The following CREM variants were observed in gnomAD, a reference collection of about 807,000 sequenced individuals.
CREM encodes cAMP-responsive element modulator.
CREM carries 13 observed loss-of-function variants against 37.3 expected under a neutral mutation model. That is an observed-to-expected ratio of 0.35 (90% confidence interval 0.23 to 0.55). The LOEUF is 0.55. Among genes scored for constraint, CREM ranks in the 20% least tolerant of loss-of-function variants. CREM has a pLI of 0.88. For synonymous variants in CREM, 124 were observed against 120.2 expected (o/e 1.03, Z -0.21); for missense variants, 296 against 362.3 (o/e 0.82, Z 1.49).
At chr10:35,203,691 CAAAAT>C (rs2095443004) in intron 6 of CREM, among the ~76,000 whole-genome samples, 1 of 150,626 alleles carries the variant, frequency 6.6e-6, no homozygotes, top group African/African-American at 2.4e-5. Flanking sequence ...GACTCTGTCT[CAAAAT>C]AAAAATAAAA....
At chr10:35,152,986 T>C (rs943263252) in intron 3 of CREM, among the ~76,000 whole-genome samples, 4 of 152,204 alleles carry the variant, frequency 2.6e-5, no homozygotes, top group Admixed American at 6.5e-5. Flanking sequence ...ATGCCTATAA[T>C]CCCAGCACTT....
chr10:35,195,072 A>G, intron 6 of CREM: 2 of 1,007,814 alleles, frequency 2.0e-6, no homozygotes, highest in East Asian at 2.6e-5. Context: ...GTGATAGGCT[A>G]GTGATGTCAT....
intron 6 of CREM, among the ~76,000 whole-genome samples, chr10:35,194,754 TTA>T (rs1162546475): frequency 4.1e-5 from 6 of 145,110 alleles, no homozygotes; most frequent in Non-Finnish European, 7.7e-5. Context: ...TTTTTTTTTT[TTA>T]AATCTCCAAG....
chr10:35,178,841 A>G (rs902120221), intron 3 of CREM, 48 bp from the exon 4 acceptor site: 3 of 1,488,402 alleles, frequency 2.0e-6, no homozygotes, highest in Non-Finnish European at 2.8e-6. Context: ...TGAATGAGGG[A>G]AAAGAGCATA....
intron 2 of CREM, among the ~76,000 whole-genome samples, chr10:35,143,492 A>T (rs754317534): frequency 2.1e-4 from 32 of 152,182 alleles, no homozygotes; most frequent in Admixed American, 3.9e-4. Flanking sequence ...CAATTTGCAC[A>T]TTGGCAATGT....
chr10:35,130,357 TCTTAAGAATAAATG>T (rs2089124777), intron 1 of CREM, among the ~76,000 whole-genome samples: 1 of 152,204 alleles, frequency 6.6e-6, no homozygotes, highest in Non-Finnish European at 1.5e-5. Context: ...ACTGTGCTGT[TCTTAAGAATAAATG>T]CTTTTACTCA....
At position 35,178,950 on chromosome 10, in the gene CREM, A is replaced by G. The variant is rs770743308; in HGVS notation, c.230A>G (p.Lys77Arg). Residue 77 changes from lysine to arginine, a missense_variant, in exon 4 of 8, where the codon AAA becomes AGA. By Grantham distance (26) the Lys-to-Arg change is conservative. Coordinates refer to ENST00000685392, the MANE Select transcript of CREM (RefSeq NM_183011.2). The stretch of plus-strand genomic sequence containing the variant: ...TCAGAAGGTGTAATTGATTCTCATA[A>G]ACGTAGAGAAATCCTTTCACGAAGA... ...AESEGVIDSHKRREILSRRPS... is the reference protein window; with the variant it reads ...AESEGVIDSHRRREILSRRPS... 1.4e-5 allele frequency: 23 copies of G among 1,613,024 alleles called. No individual in the cohort carries two copies. The East Asian group carries it at 5.1e-4, about 36-fold the overall frequency.
chr10:35,174,537 A>G (rs2093964107), intron 3 of CREM, among the ~76,000 whole-genome samples: 1 of 152,204 alleles, frequency 6.6e-6, no homozygotes, highest in African/African-American at 2.4e-5. Flanking sequence ...CTTTTCAGAT[A>G]TTAATATAAG....
intron 6 of CREM, chr10:35,194,993 A>G (rs1255733225): frequency 8.9e-6 from 4 of 447,580 alleles, no homozygotes; most frequent in Non-Finnish European, 1.6e-5. Flanking sequence ...AAGATGGTTT[A>G]TTACAGGAAG....
At chr10:35,145,489 A>G (rs2091969402) in intron 2 of CREM, among the ~76,000 whole-genome samples, 1 of 152,234 alleles carries the variant, frequency 6.6e-6, no homozygotes, top group Non-Finnish European at 1.5e-5. Context: ...ACATGATTCA[A>G]GAAATTACGG....
At chr10:35,211,019 C>T (rs1049858414) in intron 7 of CREM, among the ~76,000 whole-genome samples, 2 of 152,130 alleles carry the variant, frequency 1.3e-5, no homozygotes, top group African/African-American at 4.8e-5. Context: ...GAATGTGTGC[C>T]CTAAGAAAAC....
At chr10:35,206,275 A>AATATGTATATATATACATGCATATAT (rs1219860209) in intron 6 of CREM, among the ~76,000 whole-genome samples, 6 of 151,764 alleles carry the variant, frequency 4.0e-5, no homozygotes, top group Non-Finnish European at 7.4e-5. Flanking sequence ...TGTGTGTATA[A>AATATGTATATATATACATGCATATAT]ATATGTATAT....
At chr10:35,166,286 G>C (rs1325097795) in intron 3 of CREM, among the ~76,000 whole-genome samples, 1 of 152,098 alleles carries the variant, frequency 6.6e-6, no homozygotes, top group African/African-American at 2.4e-5. Flanking sequence ...AGCTAGGCCA[G>C]ACACAGTGGC....
intron 3 of CREM, among the ~76,000 whole-genome samples, chr10:35,176,469 A>G (rs55724039): frequency 0.31 from 44,444 of 145,712 alleles, 7,048 homozygotes; most frequent in South Asian, 0.35. Flanking sequence ...GGGCAGTGGC[A>G]TGATCTCGGG....
chr10:35,167,855 G>C (rs2093628770), intron 3 of CREM: 1 of 1,494,402 alleles, frequency 6.7e-7, no homozygotes, highest in African/African-American at 1.4e-5. Context: ...CTTGTGAAAA[G>C]AGGGGTAAAA....
At chr10:35,179,495 A>C in intron 5 of CREM, 1 of 475,774 alleles carries the variant, frequency 2.1e-6, no homozygotes, top group Non-Finnish European at 3.4e-6. Flanking sequence ...TGCCGAATAT[A>C]GAAGAAAATT....
In CREM at chr10:35,137,880, G is replaced by T. The variant is rs778392517; in HGVS notation, c.44+1G>T. The T allele has an allele frequency of 5.6e-5, 88 of 1,581,646 alleles. No individual in the cohort carries two copies. Among genetic ancestry groups the T allele is most frequent in the Non-Finnish European group, 7.4e-5 (86 of 1,163,928 alleles). On this transcript the variant is annotated splice_donor_variant, in intron 2 of 7. Coordinates refer to ENST00000685392, the MANE Select transcript of CREM (RefSeq NM_183011.2). LOFTEE classifies it high-confidence loss of function. The stretch of plus-strand genomic sequence containing the variant: ...AAAAATATATTAAGACAAATCCAAG[G>T]TAGGTAGATGTACGTTTTTCTGTTC...
intron 5 of CREM, among the ~76,000 whole-genome samples, chr10:35,182,021 T>C (rs2094373502): frequency 6.6e-6 from 1 of 152,230 alleles, no homozygotes; most frequent in African/African-American, 2.4e-5. Flanking sequence ...ATGTACAGTC[T>C]GCAGGTAAAA....
At chr10:35,189,857 A>C (rs182682987) in intron 6 of CREM, among the ~76,000 whole-genome samples, 22 of 152,310 alleles carry the variant, frequency 1.4e-4, no homozygotes, top group Middle Eastern at 3.4e-3. Flanking sequence ...CAGGTATGAT[A>C]AGCATATTAT....
Sources: allele counts gnomAD v4.1 joint callset (sites outside exome capture counted in the v4.1 genomes callset), GRCh38; gene constraint gnomAD v4.1.1; transcripts MANE v1.5; gene names NCBI Gene and HGNC (gene_info 2026-07-23, HGNC 2026-07-21).